Variants in CLUH observed in about 807,000 individuals in gnomAD.
CLUH encodes the protein clustered mitochondria protein homolog.
CLUH carries 77 observed loss-of-function variants against 139.3 expected under a neutral mutation model. That is an observed-to-expected ratio of 0.55 (90% confidence interval 0.46 to 0.67). CLUH has a LOEUF of 0.67. Ranked by LOEUF, CLUH falls within the 30% of genes least tolerant of loss-of-function variation. The probability of loss-of-function intolerance (pLI) is 0.00; values close to 1 mark genes in which losing one functional copy is unlikely to be tolerated. For missense variants in CLUH, 1,876 were observed against 1,875.8 expected (o/e 1.00, Z 0.00); for synonymous variants, 999 against 801.6 (o/e 1.25, Z -4.16).
intron 7 of CLUH, 26 bp from the exon 8 acceptor site, chr17:2,700,851 T>A: frequency 6.6e-7 from 1 of 1,505,472 alleles, no homozygotes; most frequent in Non-Finnish European, 8.8e-7. Flanking sequence ...GAGGGGGAGA[T>A]GGGGCAGCCC....
At chr17:2,702,174 G>A in intron 3 of CLUH, 117 bp from the exon 4 acceptor site, 1 of 1,308,820 alleles carries the variant, frequency 7.6e-7, no homozygotes, top group Non-Finnish European at 1.0e-6. Context: ...TCAACTTTAG[G>A]TTTCCGTTTT....
intron 1 of CLUH, among the ~76,000 whole-genome samples, chr17:2,709,080 G>T (rs982924755): frequency 1.1e-4 from 16 of 152,196 alleles, no homozygotes; most frequent in African/African-American, 3.9e-4. Flanking sequence ...GCACACCCTT[G>T]CCCCGGCCTG....
At position 2,693,983 on chromosome 17, in the gene CLUH, C is replaced by T. The variant is rs759915226; in HGVS notation, c.3148G>A (p.Val1050Ile). The change falls in exon 19 of 26, where the codon GTC becomes ATC. Residue 1050 changes from valine (V) to isoleucine (I), a missense_variant. This residue lies in a region of CLUH where 1,454 missense variants were observed against 1,384.4 expected (regional missense o/e 1.05). Transcript: ENST00000651024. ...INEALNLFNNVYGAMHVETCA... is the reference protein window; with the variant it reads ...INEALNLFNNIYGAMHVETCA... ...GTCTCCACGTGCATGGCTCCGTAGA[C>T]GTTGTTAAACAGGTTCAGGGCCTCA... 5.0e-6 allele frequency: 8 copies of T among 1,613,798 alleles called. No homozygotes were observed. Among genetic ancestry groups the T allele is most frequent in the East Asian group, 4.5e-5 (2 of 44,890 alleles).
chr17:2,691,729 G>A (rs373323180), intron 24 of CLUH, 32 bp downstream of exon 24: 2 of 1,599,340 alleles, frequency 1.3e-6, no homozygotes, highest in East Asian at 2.3e-5. Flanking sequence ...CGCGCTCGCC[G>A]GGCCGGAGGG....
At chr17:2,700,355 C>A (rs2070130407) in intron 9 of CLUH, 27 bp downstream of exon 9, 2 of 1,595,976 alleles carry the variant, frequency 1.3e-6, no homozygotes, top group African/African-American at 1.3e-5. Flanking sequence ...GGGCCTCAGA[C>A]TGCCGGTCAG....
Position 2,692,424 on chromosome 17 carries a change from AG to A in CLUH, c.3496del (p.Leu1166TrpfsTer71). 1 of 1,599,962 alleles carries A rather than the reference AG, an allele frequency of 6.3e-7. No individual in the cohort carries two copies. Among genetic ancestry groups the A allele is most frequent in the Non-Finnish European group, 8.5e-7 (1 of 1,179,378 alleles). ...VMEYDLSLRF[L>X]ENALAVSTKY... ...GGTGCTGACGGCCAGCGCGTTCTCC[AG>A]GAAGCGCAGCGACAGGTCGTACTCC... On this transcript the variant is annotated frameshift_variant, in exon 22 of 26. Transcript: ENST00000651024. LOFTEE classifies it high-confidence loss of function.
At chr17:2,693,643 G>A (rs907340117) in intron 19 of CLUH, among the ~76,000 whole-genome samples, 2 of 152,150 alleles carry the variant, frequency 1.3e-5, no homozygotes, top group Non-Finnish European at 2.9e-5. Context: ...CGGAGTCTCA[G>A]GAGGCGTCCT....
In CLUH at chr17:2,690,122, T is replaced by G. The variant is rs1419248470; in HGVS notation, c.*472A>C. ...CTAAACCCTGAACTTTCAGACAGGC[T>G]GGGCCCGGGGGTGGTGGCAGCCAAA... On this transcript the variant is annotated 3_prime_UTR_variant, in exon 26 of 26. Coordinates refer to ENST00000651024, the MANE Select transcript of CLUH (RefSeq NM_001366661.1). 6.4e-6 allele frequency: 1 copy of G among 155,088 alleles called. No individual in the cohort carries two copies. The highest frequency in any genetic ancestry group is 1.4e-5 in the Non-Finnish European group (1 of 70,066). The allele number at this position is 155,088 out of a possible 1,614,324, so 9.6% of individuals were successfully genotyped here.
At chr17:2,690,896 G>A in intron 25 of CLUH, 119 bp from the exon 26 acceptor site, 3 of 744,122 alleles carry the variant, frequency 4.0e-6, no homozygotes, top group Non-Finnish European at 5.8e-6. Context: ...GGGAATGTGT[G>A]TGAACAAGCG....
At chr17:2,702,529 G>A (rs1410607979) in intron 3 of CLUH, among the ~76,000 whole-genome samples, 1 of 152,192 alleles carries the variant, frequency 6.6e-6, no homozygotes, top group African/African-American at 2.4e-5. Flanking sequence ...CAGTTCTTTT[G>A]GTGGAGGGGA....
rs752429645 is a variant in CLUH at position 2,696,523 on chromosome 17, C to T, written c.2201G>A (p.Arg734Gln). The change falls in exon 12 of 26, where the codon CGG becomes CAG. Residue 734 changes from arginine to glutamine, a missense_variant. Physicochemically the swap from Arg to Gln is conservative, Grantham distance 43. Coordinates refer to ENST00000651024, the MANE Select transcript of CLUH (RefSeq NM_001366661.1). ...CTTGCACGCGTTGCGGATCACCTCC[C>T]GGCTCCGAGGGTCTGCTGTGGAGAC... is the stretch of plus-strand genomic sequence containing the variant. Reference protein sequence around the residue: ...ADDGTADPRSREVIRNACKAV... With the variant: ...ADDGTADPRSQEVIRNACKAV... 8.3e-6 allele frequency: 13 copies of T among 1,575,180 alleles called. No homozygotes were observed. The highest frequency in any genetic ancestry group is 5.4e-5 in the African/African-American group (4 of 74,052).
intron 19 of CLUH, among the ~76,000 whole-genome samples, chr17:2,693,465 G>A (rs1424653971): frequency 6.6e-6 from 1 of 151,942 alleles, no homozygotes; most frequent in Non-Finnish European, 1.5e-5. Context: ...TTTGCAGGGA[G>A]TAGGGATCCT....
At position 2,690,559 on chromosome 17, in the gene CLUH, G is replaced by A. The variant is rs754971966; in HGVS notation, c.*35C>T. 3.5e-6 allele frequency: 5 copies of A among 1,415,762 alleles called. No homozygotes were observed. The highest frequency in any genetic ancestry group is 4.6e-6 in the Non-Finnish European group (5 of 1,080,646). The allele number at this position is 1,415,762 out of a possible 1,614,324, so 87.7% of individuals were successfully genotyped here. ...TCCCGCAGTCGGGCTCCCTGGTGAC[G>A]GGGCCGCTGGCTGGCTGTCCGTCTG... On this transcript the variant is annotated 3_prime_UTR_variant, in exon 26 of 26. Coordinates refer to ENST00000651024, the MANE Select transcript of CLUH (RefSeq NM_001366661.1).
At chr17:2,700,855 G>A (rs1305733605) in intron 7 of CLUH, 30 bp from the exon 8 acceptor site, 3 of 1,506,882 alleles carry the variant, frequency 2.0e-6, no homozygotes, top group Non-Finnish European at 2.6e-6. Context: ...GGGAGATGGG[G>A]CAGCCCACCA....
At position 2,701,225 on chromosome 17, in the gene CLUH, G is replaced by T. The variant is rs200260191; in HGVS notation, c.940C>A (p.Arg314Ser). ...TCCACTAGGGAATGGCTTAGGAAGC[G>T]GGGGCTGGCGGGCTTGGGGTTGAAG... ...YHFNPKPASPRFLSHSLVELL... is the reference protein window; with the variant it reads ...YHFNPKPASPSFLSHSLVELL... Residue 314 changes from arginine (R) to serine (S), a missense_variant, in exon 7 of 26, where the codon CGC becomes AGC. By Grantham distance (110) the Arg-to-Ser change is moderately radical. Around this residue, in one of 3 missense-constraint regions of CLUH, gnomAD observed 270 missense variants for 354.7 expected, o/e 0.76. Transcript: ENST00000651024. The T allele has an allele frequency of 1.2e-6, 2 of 1,613,674 alleles. No homozygotes were observed. Among genetic ancestry groups the T allele is most frequent in the East Asian group, 4.5e-5 (2 of 44,882 alleles).
At chr17:2,708,042 G>A in intron 1 of CLUH, 1 of 980,150 alleles carries the variant, frequency 1.0e-6, no homozygotes, top group Non-Finnish European at 1.2e-6. Context: ...GGAGAACAGA[G>A]CTGGCAGCAA....
At chr17:2,693,775 GCC>G in intron 19 of CLUH, 123 bp downstream of exon 19, 1 of 1,246,998 alleles carries the variant, frequency 8.0e-7, no homozygotes, top group Non-Finnish European at 1.1e-6. Context: ...GCCAGGGGTG[GCC>G]TGGGCAGAAC....
chr17:2,695,916 G>A (rs1432273863), intron 13 of CLUH: 9 of 587,988 alleles, frequency 1.5e-5, no homozygotes, highest in Non-Finnish European at 2.7e-5. Context: ...CCCCAGCCAT[G>A]CCACCATCCA....
intron 23 of CLUH, 45 bp downstream of exon 23, chr17:2,691,955 CGCCA>C (rs759321595): frequency 0.041 from 18,325 of 443,864 alleles, 1,113 homozygotes; most frequent in African/African-American, 0.18. Context: ...GCCCCCGCCC[CGCCA>C]CGCCCCCGCC....
Sources: gnomAD v4.1 joint callset for allele counts (sites outside exome capture counted in the v4.1 genomes callset) on GRCh38, gnomAD v4.1.1 for gene constraint, gnomAD v4.1.1 regional missense constraint, MANE v1.5 for transcripts, NCBI Gene and HGNC (gene_info 2026-07-23, HGNC 2026-07-21) for gene names.